Variants in PLCG2 observed in about 807,000 individuals in gnomAD.
PLCG2 encodes the protein phospholipase C gamma 2, also known as 1-phosphatidylinositol 4,5-bisphosphate phosphodiesterase gamma-2.
In PLCG2, 69 loss-of-function variants were observed where a neutral mutation model predicts 175.6. The observed-to-expected ratio is 0.39, with a 90% CI of 0.32 to 0.48. PLCG2 has a LOEUF of 0.48. Among genes scored for constraint, PLCG2 ranks in the 20% least tolerant of loss-of-function variants. PLCG2 has a pLI of 0.91. For missense variants in PLCG2, 1,798 were observed against 1,650.9 expected, an observed-to-expected ratio of 1.09 and a Z score of -1.54; for synonymous variants, 827 against 624.0, an observed-to-expected ratio of 1.33 and a Z score of -4.85.
intron 2 of PLCG2, among the ~76,000 whole-genome samples, chr16:81,841,641 T>C (rs1253457437): frequency 3.9e-5 from 6 of 152,206 alleles, no homozygotes; most frequent in Admixed American, 1.3e-4. Flanking sequence ...TAAGCCAGAA[T>C]AGAGGCTTCT....
At chr16:81,762,042 C>T (rs953946235) in intron 2 of PLCG2, among the ~76,000 whole-genome samples, 1 of 151,658 alleles carries the variant, frequency 6.6e-6, no homozygotes, top group East Asian at 2.0e-4. Flanking sequence ...TATGTGGTGG[C>T]TAGGGTTGTC....
intron 2 of PLCG2, among the ~76,000 whole-genome samples, chr16:81,813,206 AG>A (rs1160774143): frequency 1.3e-5 from 2 of 152,214 alleles, no homozygotes; most frequent in African/African-American, 4.8e-5. Context: ...AATTCTGTGA[AG>A]AAAGTCAATG....
At chr16:81,818,108 C>T (rs374888275) in intron 2 of PLCG2, among the ~76,000 whole-genome samples, 1 of 152,190 alleles carries the variant, frequency 6.6e-6, no homozygotes, top group Admixed American at 6.5e-5. Context: ...AATTACAACA[C>T]CTACTTTACA....
At chr16:81,861,400 C>G (rs1906973128) in intron 5 of PLCG2, among the ~76,000 whole-genome samples, 1 of 152,170 alleles carries the variant, frequency 6.6e-6, no homozygotes, top group Non-Finnish European at 1.5e-5. Flanking sequence ...GTGAGCTTCC[C>G]TGGTTTCTTC....
chr16:81,763,355 C>A (rs996577881), intron 2 of PLCG2, among the ~76,000 whole-genome samples: 47 of 152,368 alleles, frequency 3.1e-4, no homozygotes, highest in African/African-American at 1.0e-3. Flanking sequence ...CTCATGGTTT[C>A]TGTGGGTCGG....
chr16:81,778,207 G>A (rs1185974070), upstream of PLCG2, among the ~76,000 whole-genome samples: 1 of 151,910 alleles, frequency 6.6e-6, no homozygotes, highest in African/African-American at 2.4e-5. Flanking sequence ...GAGACCTCAT[G>A]TCGAAAAAAG....
chr16:81,830,990 C>G (rs983711399), intron 2 of PLCG2, among the ~76,000 whole-genome samples: 1 of 152,132 alleles, frequency 6.6e-6, no homozygotes, highest in African/African-American at 2.4e-5. Flanking sequence ...TACAACCAAC[C>G]ATACACATTT....
chr16:81,784,424 A>G (rs1270933099), intron 1 of PLCG2, among the ~76,000 whole-genome samples: 3 of 152,208 alleles, frequency 2.0e-5, no homozygotes, highest in Non-Finnish European at 4.4e-5. Context: ...GAACCGAGCC[A>G]CAGATTTAGA....
chr16:81,860,143 C>CTATTAT (rs763477650), intron 5 of PLCG2, among the ~76,000 whole-genome samples: 75 of 126,394 alleles, frequency 5.9e-4, no homozygotes, highest in African/African-American at 1.1e-3. Flanking sequence ...GGCTTATTTA[C>CTATTAT]TATTATTATT....
At chr16:81,835,369 G>C (rs1905460510) in intron 2 of PLCG2, among the ~76,000 whole-genome samples, 1 of 152,100 alleles carries the variant, frequency 6.6e-6, no homozygotes, top group Non-Finnish European at 1.5e-5. Context: ...GCCAAAGCGG[G>C]CAGATCACCT....
At chr16:81,883,557 GC>G (rs549056147) in intron 9 of PLCG2, 44 of 587,866 alleles carry the variant, frequency 7.5e-5, no homozygotes, top group African/African-American at 7.5e-4. Context: ...GATGAGAAGA[GC>G]CTCATGTCGG....
At chr16:81,937,561 C>T (rs1028535266) in intron 27 of PLCG2, 197 bp from the exon 28 acceptor site, 1 of 434,646 alleles carries the variant, frequency 2.3e-6, no homozygotes, top group Non-Finnish European at 4.1e-6. Flanking sequence ...TGGTGACATA[C>T]TTGGAAAGGT....
chr16:81,934,891 G>C (rs573524350), intron 26 of PLCG2, among the ~76,000 whole-genome samples: 2 of 152,244 alleles, frequency 1.3e-5, no homozygotes, highest in African/African-American at 4.8e-5. Flanking sequence ...CAGATCTCGC[G>C]AGACTTATTC....
chr16:81,760,488 G>T (rs1910015060), intron 2 of PLCG2, among the ~76,000 whole-genome samples: 2 of 152,168 alleles, frequency 1.3e-5, no homozygotes, highest in Non-Finnish European at 1.5e-5. Context: ...TACCCAAGCT[G>T]CAAGGGAGTG....
In PLCG2 at chr16:81,923,586, C is replaced by G. The variant is rs774918375; in HGVS notation, c.2409C>G (p.Pro803=). The change falls in exon 22 of 33, where the codon CCC becomes CCG. Residue 803 remains proline (P), a synonymous_variant. Transcript: ENST00000564138. ...GALIHNVSKE[P]GGWWKGDYGT... is the part of the protein sequence containing the mutation. The stretch of plus-strand genomic sequence containing the variant: ...TCATCCACAATGTCTCCAAGGAGCC[C>G]GGGGGCTGGTAAGGCTGAGTGGAGG... 8.7e-6 allele frequency: 14 copies of G among 1,606,644 alleles called. No homozygotes were observed. The highest frequency in any genetic ancestry group is 1.0e-5 in the Non-Finnish European group (12 of 1,173,666).
chr16:81,775,995 A>G (rs1910391339), upstream of PLCG2, among the ~76,000 whole-genome samples: 2 of 151,484 alleles, frequency 1.3e-5, no homozygotes, highest in South Asian at 2.1e-4. Context: ...CACTGACTTA[A>G]CCCACTCTAG....
At chr16:81,764,626 C>G (rs952949813) in intron 2 of PLCG2, among the ~76,000 whole-genome samples, 7 of 152,346 alleles carry the variant, frequency 4.6e-5, no homozygotes, top group African/African-American at 1.7e-4. Context: ...TGTCAGAGGA[C>G]TTTGGCAAGC....
At chr16:81,829,643 G>A (rs570969773) in intron 2 of PLCG2, among the ~76,000 whole-genome samples, 18 of 152,318 alleles carry the variant, frequency 1.2e-4, no homozygotes, top group African/African-American at 3.8e-4. Context: ...TTCTCCTTCT[G>A]TTCCAGGATT....
At position 81,881,809 on chromosome 16, in the gene PLCG2, G is replaced by GT. The variant is rs34048665; in HGVS notation, c.692+870dup. 4.2e-3 allele frequency among the ~76,000 whole-genome samples: 593 copies of GT among 142,852 alleles called. 3 individuals carry two copies. Among genetic ancestry groups the GT allele is most frequent in the Middle Eastern group, 7.1e-3 (2 of 282 alleles). 93.7% of individuals were successfully genotyped at this position (142,852 alleles called of 152,430 possible). On this transcript the variant is annotated intron_variant, in intron 8 of 32. Coordinates refer to ENST00000564138, the MANE Select transcript of PLCG2 (RefSeq NM_002661.5). ...CAGGCATCCATCATGTCCAGCTATT[G>GT]TTTTTTTTTTTTTTGTATTTTTGGT... is the stretch of plus-strand genomic sequence containing the variant.
Sources: gnomAD v4.1 joint callset for allele counts (sites outside exome capture counted in the v4.1 genomes callset) on GRCh38, gnomAD v4.1.1 for gene constraint, MANE v1.5 for transcripts, NCBI Gene and HGNC (gene_info 2026-07-23, HGNC 2026-07-21) for gene names.